AIMP1: variants seen among roughly 807,000 people sequenced by gnomAD.
AIMP1 encodes the protein aminoacyl tRNA synthetase complex interacting multifunctional protein 1.
A neutral mutation model predicts 33.1 loss-of-function variants in AIMP1; 24 were observed. The ratio of observed to expected loss-of-function variants is 0.73; its 90% CI spans 0.53 to 1.02. The LOEUF is 1.02. AIMP1 is among the 50% of genes least tolerant of loss of function. AIMP1 has a pLI of 0.00. For synonymous variants in AIMP1, 120 were observed against 121.5 expected (o/e 0.99, Z 0.08); for missense variants, 367 against 364.8 (o/e 1.01, Z -0.05).
At chr4:106,324,443 A>T (rs948002690) in intron 1 of AIMP1, among the ~76,000 whole-genome samples, 38 of 152,196 alleles carry the variant, frequency 2.5e-4, no homozygotes, top group African/African-American at 9.1e-4. Flanking sequence ...TAAAATAAAG[A>T]CAACGGTATA....
chr4:106,347,647 G>A lies in AIMP1; in HGVS notation c.894G>A (p.Lys298=). The A allele has an allele frequency of 6.2e-7, 1 of 1,613,314 alleles. No individual in the cohort carries two copies. Among genetic ancestry groups the A allele is most frequent in the Non-Finnish European group, 8.5e-7 (1 of 1,179,612 alleles). The part of the protein sequence containing the change: ...YKGVPFEVKG[K]GVCRAQTMSN... Reference sequence around the variant, plus strand: ...GAGTTCCCTTTGAGGTGAAAGGGAAGGGAGTATGTAGGGCTCAAACCATGA... The same window carrying A: ...GAGTTCCCTTTGAGGTGAAAGGGAAAGGAGTATGTAGGGCTCAAACCATGA... Residue 298 remains lysine, a synonymous_variant, in exon 7 of 7, where the codon AAG becomes AAA. Coordinates refer to ENST00000672341, the MANE Select transcript of AIMP1 (RefSeq NM_001142416.2).
chr4:106,337,969 T>C (rs926892641), intron 6 of AIMP1, among the ~76,000 whole-genome samples: 4 of 152,116 alleles, frequency 2.6e-5, no homozygotes, highest in Non-Finnish European at 5.9e-5. Flanking sequence ...GCAAAGAGAC[T>C]GGTGGCATTT....
At chr4:106,319,367 G>A (rs755683828) in intron 1 of AIMP1, among the ~76,000 whole-genome samples, 1 of 152,100 alleles carries the variant, frequency 6.6e-6, no homozygotes, top group Non-Finnish European at 1.5e-5. Flanking sequence ...CATCTTTTGT[G>A]TGTGTATTTT....
chr4:106,336,831 T>C (rs1769902981), intron 5 of AIMP1, 38 bp from the exon 6 acceptor site: 1 of 1,586,258 alleles, frequency 6.3e-7, no homozygotes, highest in South Asian at 1.1e-5. Flanking sequence ...AGGCTTAATC[T>C]GTGTACATCT....
At chr4:106,325,209 A>C (rs1769413473) in intron 2 of AIMP1, 91 bp downstream of exon 2, 5 of 1,240,700 alleles carry the variant, frequency 4.0e-6, no homozygotes, top group Non-Finnish European at 2.3e-6. Flanking sequence ...TAAGTTATTT[A>C]AGTTTTACTT....
Position 106,338,402 on chromosome 4 carries a change from C to T in AIMP1, c.772+1365C>T, listed in dbSNP as rs187170479. ...CCCAGGGCCCCCGTGCTGTGTGCAG[C>T]TTAGGGACTTGGTGCCCTGCTTCCC... On this transcript the variant is annotated intron_variant, in intron 6 of 6. Transcript: ENST00000672341. Among the ~76,000 whole-genome samples the T allele has an allele frequency of 9.4e-3, 1,434 of 152,308 alleles. 16 individuals carry two copies. Among genetic ancestry groups the T allele is most frequent in the Non-Finnish European group, 0.016 (1,074 of 68,018 alleles).
At position 106,337,620 on chromosome 4, in the gene AIMP1, A is replaced by C. The variant is rs1769939521; in HGVS notation, c.772+583A>C. 2.6e-5 allele frequency among the ~76,000 whole-genome samples: 4 copies of C among 152,316 alleles called. No individual in the cohort carries two copies. In the South Asian group the frequency reaches 6.2e-4, roughly 24 times the overall value. ...TTTATTAGCAGCGTGAGAATAGACTAATACAGTAAATTGATACTGGGTAGT... is the reference window on the plus strand; with the variant it reads ...TTTATTAGCAGCGTGAGAATAGACTCATACAGTAAATTGATACTGGGTAGT... On this transcript the variant is annotated intron_variant, in intron 6 of 6. Coordinates refer to ENST00000672341, the MANE Select transcript of AIMP1 (RefSeq NM_001142416.2).
intron 2 of AIMP1, among the ~76,000 whole-genome samples, chr4:106,325,761 T>C (rs1769430007): frequency 6.6e-6 from 1 of 152,108 alleles, no homozygotes; most frequent in Non-Finnish European, 1.5e-5. Flanking sequence ...TTAGGATGAA[T>C]GTTTTATAAA....
At chr4:106,340,182 C>A (rs1286195862) in intron 6 of AIMP1, among the ~76,000 whole-genome samples, 1 of 151,692 alleles carries the variant, frequency 6.6e-6, no homozygotes, top group African/African-American at 2.4e-5. Flanking sequence ...GGTAAAAGAA[C>A]AATTTGGAGA....
At chr4:106,322,481 A>G (rs558346237) in intron 1 of AIMP1, among the ~76,000 whole-genome samples, 1 of 152,298 alleles carries the variant, frequency 6.6e-6, no homozygotes, top group Admixed American at 6.5e-5. Context: ...AAAAAATTTA[A>G]ATGATAATTA....
At chr4:106,319,401 T>C (rs1178721180) in intron 1 of AIMP1, among the ~76,000 whole-genome samples, 1 of 152,138 alleles carries the variant, frequency 6.6e-6, no homozygotes. Flanking sequence ...TACTATAAAT[T>C]CATGTACAGT....
At chr4:106,336,438 T>G (rs927227649) in intron 5 of AIMP1, among the ~76,000 whole-genome samples, 1 of 152,062 alleles carries the variant, frequency 6.6e-6, no homozygotes, top group Non-Finnish European at 1.5e-5. Flanking sequence ...TCCATTTATT[T>G]TAATTCTAAT....
intron 4 of AIMP1, 53 bp from the exon 5 acceptor site, chr4:106,331,619 T>C: frequency 2.0e-6 from 3 of 1,537,544 alleles, no homozygotes; most frequent in Non-Finnish European, 2.7e-6. Context: ...TTTCATAGTG[T>C]TTTTTTGCTT....
In AIMP1 at chr4:106,331,903, T is replaced by C. The variant is rs778757249; in HGVS notation, c.603+20T>C. ...GAACAGGTAATCTGTACAACTGAAA[T>C]TCCTGTTGTGTACATACAACATTTT... On this transcript the variant is annotated intron_variant, in intron 5 of 6. Coordinates refer to ENST00000672341, the MANE Select transcript of AIMP1 (RefSeq NM_001142416.2). The C allele has an allele frequency of 6.2e-7, 1 of 1,606,942 alleles. No homozygotes were observed. Among genetic ancestry groups the C allele is most frequent in the East Asian group, 2.2e-5 (1 of 44,830 alleles).
At chr4:106,326,239 A>G (rs146243101) in intron 2 of AIMP1, among the ~76,000 whole-genome samples, 4 of 152,314 alleles carry the variant, frequency 2.6e-5, no homozygotes, top group Admixed American at 1.3e-4. Flanking sequence ...CTTTGTGTTT[A>G]TATATAAAGA....
In AIMP1 at chr4:106,347,534, G is replaced by C. The variant is rs749755031; in HGVS notation, c.781G>C (p.Asp261His). 8.1e-6 allele frequency: 13 copies of C among 1,612,870 alleles called. No individual in the cohort carries two copies. The highest frequency in any genetic ancestry group is 1.0e-5 in the Non-Finnish European group (12 of 1,179,376). ...ITFDAFPGEP[D>H]KELNPKKKIW... is the part of the protein sequence containing the mutation. Reference sequence around the variant, plus strand: ...TTTTTTCTCCTACACAGGAGAGCCTGACAAGGAGCTGAATCCTAAGAAGAA... The same window carrying C: ...TTTTTTCTCCTACACAGGAGAGCCTCACAAGGAGCTGAATCCTAAGAAGAA... The change falls in exon 7 of 7, where the codon GAC becomes CAC. Residue 261 changes from aspartate to histidine, a missense_variant. Asp to His is a moderately conservative substitution (Grantham distance 81). Coordinates refer to ENST00000672341, the MANE Select transcript of AIMP1 (RefSeq NM_001142416.2).
At chr4:106,316,494 G>A, upstream of AIMP1, 1 of 1,529,092 alleles carries the variant, frequency 6.5e-7, no homozygotes, top group Non-Finnish European at 8.9e-7. Context: ...TTTCAGCAAG[G>A]ACACCTCATT....
intron 2 of AIMP1, among the ~76,000 whole-genome samples, chr4:106,325,611 G>A (rs573924234): frequency 6.6e-6 from 1 of 151,968 alleles, no homozygotes; most frequent in African/African-American, 2.4e-5. Flanking sequence ...ACCAAATTTT[G>A]TCTTCTGTAG....
At chr4:106,319,622 A>G (rs1445225100) in intron 1 of AIMP1, among the ~76,000 whole-genome samples, 1 of 152,208 alleles carries the variant, frequency 6.6e-6, no homozygotes, top group Non-Finnish European at 1.5e-5. Context: ...ACCAAACACA[A>G]TTAACATACT....
Sources: allele counts gnomAD v4.1 joint callset (sites outside exome capture counted in the v4.1 genomes callset), GRCh38; gene constraint gnomAD v4.1.1; transcripts MANE v1.5; gene names NCBI Gene and HGNC (gene_info 2026-07-23, HGNC 2026-07-21).